The following GLT8D2 variants were observed in gnomAD, a reference collection of about 807,000 sequenced individuals.
GLT8D2 encodes the protein glycosyltransferase 8 domain-containing protein 2.
GLT8D2 carries 45 observed loss-of-function variants against 44.5 expected under a neutral mutation model. That is an observed-to-expected ratio of 1.01 (90% confidence interval 0.80 to 1.30). The LOEUF (loss-of-function observed/expected upper bound fraction) is 1.30, where lower values mean the gene tolerates loss of function less well. Among genes scored for constraint, GLT8D2 ranks in the 50% most tolerant of loss-of-function variants. The probability of loss-of-function intolerance (pLI) is 0.00; values close to 1 mark genes in which losing one functional copy is unlikely to be tolerated. For synonymous variants in GLT8D2, 156 were observed against 157.2 expected (o/e 0.99, Z 0.06); for missense variants, 400 against 430.4 (o/e 0.93, Z 0.62).
chr12:104,014,254 C>T (rs1410518972), intron 4 of GLT8D2: 1 of 699,210 alleles, frequency 1.4e-6, no homozygotes, highest in East Asian at 2.7e-5. Flanking sequence ...TCCTGGGGTG[C>T]TGAGGCCGGA....
chr12:104,010,693 T>C (rs1473174898), intron 4 of GLT8D2, among the ~76,000 whole-genome samples: 1 of 152,342 alleles, frequency 6.6e-6, no homozygotes, highest in African/African-American at 2.4e-5. Flanking sequence ...ATTTGAGCAC[T>C]TGCCACAATG....
At chr12:104,058,200 A>C (rs1332683839) in intron 1 of GLT8D2, among the ~76,000 whole-genome samples, 1 of 152,136 alleles carries the variant, frequency 6.6e-6, no homozygotes, top group Non-Finnish European at 1.5e-5. Flanking sequence ...CTGCAAGGGA[A>C]CCCAAGATTG....
intron 5 of GLT8D2, 34 bp from the exon 6 acceptor site, chr12:103,999,548 C>A: frequency 7.9e-7 from 1 of 1,269,518 alleles, no homozygotes; most frequent in Non-Finnish European, 1.2e-6. Context: ...TCTAGTATAC[C>A]CTTCAATTCT....
intron 1 of GLT8D2, among the ~76,000 whole-genome samples, chr12:104,023,659 G>T (rs184244820): frequency 2.4e-4 from 36 of 152,218 alleles, no homozygotes; most frequent in African/African-American, 8.7e-4. Context: ...AACACTCAAA[G>T]AATTCCCTTG....
intron 1 of GLT8D2, among the ~76,000 whole-genome samples, chr12:104,037,429 G>A (rs1880029094): frequency 6.6e-6 from 1 of 152,120 alleles, no homozygotes; most frequent in East Asian, 1.9e-4. Context: ...TAATAAAGAA[G>A]AAAAGGGAGA....
intron 3 of GLT8D2, among the ~76,000 whole-genome samples, chr12:104,017,333 T>C (rs902844391): frequency 6.6e-6 from 1 of 152,142 alleles, no homozygotes; most frequent in Non-Finnish European, 1.5e-5. Flanking sequence ...AAAACAAAAT[T>C]GGTTTTGAGA....
At chr12:104,058,374 C>T (rs1232017458) in intron 1 of GLT8D2, among the ~76,000 whole-genome samples, 1 of 152,124 alleles carries the variant, frequency 6.6e-6, no homozygotes, top group East Asian at 1.9e-4. Context: ...TTAAACTTCT[C>T]TGTGGCCCCA....
chr12:104,023,566 CT>C (rs925487670), intron 1 of GLT8D2, among the ~76,000 whole-genome samples: 17 of 152,074 alleles, frequency 1.1e-4, no homozygotes, highest in African/African-American at 3.4e-4. Context: ...TTAGAATTTC[CT>C]TTTTTTTCTA....
At chr12:104,061,562 G>A (rs11111882) in intron 1 of GLT8D2, among the ~76,000 whole-genome samples, 32,492 of 152,086 alleles carry the variant, frequency 0.21, 4,136 homozygotes, top group Non-Finnish European at 0.29. Context: ...CAACATTTAA[G>A]AGCCTCCTAT....
intron 1 of GLT8D2, among the ~76,000 whole-genome samples, chr12:104,023,140 C>T (rs543609303): frequency 3.8e-4 from 58 of 152,090 alleles, no homozygotes; most frequent in Admixed American, 7.2e-4. Flanking sequence ...AATTGCTATG[C>T]ATCAGGGGGA....
At chr12:104,040,112 A>C (rs1214437833) in intron 1 of GLT8D2, among the ~76,000 whole-genome samples, 1 of 152,316 alleles carries the variant, frequency 6.6e-6, no homozygotes, top group Non-Finnish European at 1.5e-5. Context: ...ACACTAGGAC[A>C]TAGGACAGGG....
chr12:104,031,478 G>C, intron 1 of GLT8D2: 1 of 1,613,384 alleles, frequency 6.2e-7, no homozygotes, highest in Non-Finnish European at 8.5e-7. Context: ...GCAGTTTCTG[G>C]GGGATGAGGA....
At chr12:104,027,803 G>A (rs1878761036) in intron 1 of GLT8D2, among the ~76,000 whole-genome samples, 1 of 152,152 alleles carries the variant, frequency 6.6e-6, no homozygotes. Flanking sequence ...TGATGGGGCT[G>A]GGATTAAAAA....
At chr12:104,007,366 A>G (rs894375641) in intron 4 of GLT8D2, among the ~76,000 whole-genome samples, 9 of 149,350 alleles carry the variant, frequency 6.0e-5, no homozygotes, top group Admixed American at 5.4e-4. Flanking sequence ...TCTAGCTGAT[A>G]TTTCATTCAA....
chr12:104,025,617 T>G (rs186864418), intron 1 of GLT8D2, among the ~76,000 whole-genome samples: 22 of 152,340 alleles, frequency 1.4e-4, no homozygotes, highest in Admixed American at 7.8e-4. Flanking sequence ...TTTATAGTTT[T>G]GGACTTAATA....
chr12:104,058,958 G>A (rs1176725569), intron 1 of GLT8D2, among the ~76,000 whole-genome samples: 1 of 152,220 alleles, frequency 6.6e-6, no homozygotes, highest in Non-Finnish European at 1.5e-5. Context: ...CGAATGGGCA[G>A]GTGGCACATA....
chr12:104,035,673 A>C (rs1879852458), intron 1 of GLT8D2, among the ~76,000 whole-genome samples: 1 of 152,242 alleles, frequency 6.6e-6, no homozygotes. Flanking sequence ...ACTATGTGAA[A>C]AGACCAAATC....
At chr12:104,014,914 G>A in intron 4 of GLT8D2, 99 bp downstream of exon 4, 1 of 793,836 alleles carries the variant, frequency 1.3e-6, no homozygotes, top group Non-Finnish European at 2.1e-6. Context: ...TGACCAAACT[G>A]TCACTTGTCC....
intron 1 of GLT8D2, among the ~76,000 whole-genome samples, chr12:104,037,442 A>C (rs1470916522): frequency 6.6e-6 from 1 of 152,216 alleles, no homozygotes; most frequent in African/African-American, 2.4e-5. Context: ...AAGGGAGAAG[A>C]ATCAAACAGA....
Sources: allele counts gnomAD v4.1 joint callset (sites outside exome capture counted in the v4.1 genomes callset), GRCh38; gene constraint gnomAD v4.1.1; transcripts MANE v1.5; gene names NCBI Gene and HGNC (gene_info 2026-07-23, HGNC 2026-07-21).